MSRA: variants seen among roughly 807,000 people sequenced by gnomAD.
The protein encoded by MSRA is mitochondrial peptide methionine sulfoxide reductase.
In MSRA, 54 loss-of-function variants were observed where a neutral mutation model predicts 31.3. The ratio of observed to expected loss-of-function variants is 1.73; its 90% CI spans 1.39 to 2.17. The LOEUF is 2.17. Ranked by LOEUF, MSRA falls within the 30% of genes most tolerant of loss-of-function variation. The probability of loss-of-function intolerance (pLI) is 0.00; values close to 1 mark genes in which losing one functional copy is unlikely to be tolerated. For missense variants in MSRA, 507 were observed against 300.9 expected (o/e 1.69, Z -5.07); for synonymous variants, 169 against 116.5 (o/e 1.45, Z -2.90).
intron 1 of MSRA, among the ~76,000 whole-genome samples, chr8:10,198,845 C>G (rs1433190601): frequency 6.6e-6 from 1 of 152,116 alleles, no homozygotes; most frequent in East Asian, 1.9e-4. Context: ...CCCAGGTTGG[C>G]TTTTGGCATT....
intron 1 of MSRA, among the ~76,000 whole-genome samples, chr8:10,071,721 T>C (rs996391774): frequency 3.3e-5 from 5 of 152,212 alleles, no homozygotes; most frequent in Non-Finnish European, 7.3e-5. Context: ...TTGAGGTTCA[T>C]TTGTGTCAAA....
chr8:10,184,390 C>G (rs1806835539), intron 1 of MSRA, among the ~76,000 whole-genome samples: 1 of 151,854 alleles, frequency 6.6e-6, no homozygotes, highest in Non-Finnish European at 1.5e-5. Flanking sequence ...GAATCAGTTT[C>G]CTGCCTGGGA....
In MSRA at chr8:10,297,450, C is replaced by T. The variant is rs554757115; in HGVS notation, c.332-4084C>T. On this transcript the variant is annotated intron_variant, in intron 3 of 5. Coordinates refer to ENST00000317173, the MANE Select transcript of MSRA (RefSeq NM_012331.5). ...ATGTGCGCGATGTTATGTGAAGACA[C>T]GGCTTGAAGTATTTTTAAGATCTGG... Among the ~76,000 whole-genome samples, 26 of 152,312 alleles carry T rather than the reference C, an allele frequency of 1.7e-4. No individual in the cohort carries two copies. The South Asian group carries it at 2.7e-3, about 16-fold the overall frequency.
chr8:10,091,409 T>C (rs1563424342), intron 1 of MSRA, among the ~76,000 whole-genome samples: 2 of 152,214 alleles, frequency 1.3e-5, no homozygotes, highest in Admixed American at 6.5e-5. Flanking sequence ...CAGAATCTTA[T>C]TTTTAAAGGC....
At chr8:10,278,988 A>G (rs1337247510) in intron 3 of MSRA, among the ~76,000 whole-genome samples, 3 of 152,124 alleles carry the variant, frequency 2.0e-5, no homozygotes, top group Admixed American at 6.5e-5. Flanking sequence ...TTTGCCTTAC[A>G]GTAGAATTGA....
intron 1 of MSRA, among the ~76,000 whole-genome samples, chr8:10,101,241 C>G (rs974488151): frequency 2.6e-5 from 4 of 152,078 alleles, no homozygotes; most frequent in Non-Finnish European, 4.4e-5. Context: ...ATTTCCCTCA[C>G]ACGATTTTGG....
intron 2 of MSRA, among the ~76,000 whole-genome samples, chr8:10,219,086 G>T (rs1341758605): frequency 6.6e-6 from 1 of 152,184 alleles, no homozygotes; most frequent in South Asian, 2.1e-4. Context: ...GGGCCTGAGG[G>T]TTGGAGGAGG....
At chr8:10,303,179 C>A (rs570587839) in intron 4 of MSRA, among the ~76,000 whole-genome samples, 1 of 152,192 alleles carries the variant, frequency 6.6e-6, no homozygotes, top group Non-Finnish European at 1.5e-5. Context: ...GGTGACAGGT[C>A]GGGTCTGTGT....
At chr8:10,301,443 G>T in intron 3 of MSRA, 91 bp from the exon 4 acceptor site, 3 of 941,846 alleles carry the variant, frequency 3.2e-6, no homozygotes, top group Non-Finnish European at 5.1e-6. Flanking sequence ...TAGAGTTTCA[G>T]CTTTTGTCTG....
intron 2 of MSRA, among the ~76,000 whole-genome samples, chr8:10,244,095 C>T (rs1797480113): frequency 6.6e-6 from 1 of 152,108 alleles, no homozygotes; most frequent in Non-Finnish European, 1.5e-5. Context: ...TCTGGTAAAT[C>T]GAGTGAGTGT....
At chr8:10,117,315 T>C (rs1369730629) in intron 1 of MSRA, among the ~76,000 whole-genome samples, 2 of 152,040 alleles carry the variant, frequency 1.3e-5, no homozygotes, top group Non-Finnish European at 2.9e-5. Context: ...AAAAGAATCG[T>C]GAAGGGAAAA....
chr8:10,152,200 C>G (rs900483463), intron 1 of MSRA, among the ~76,000 whole-genome samples: 1 of 152,096 alleles, frequency 6.6e-6, no homozygotes, highest in Admixed American at 6.5e-5. Flanking sequence ...AGACAGAGAA[C>G]AAAACTGTCT....
intron 1 of MSRA, among the ~76,000 whole-genome samples, chr8:10,147,752 G>C (rs148958167): frequency 3.2e-4 from 48 of 152,276 alleles, no homozygotes; most frequent in African/African-American, 9.4e-4. Context: ...CTGCCTGGAG[G>C]ATTCCTGCAT....
chr8:10,150,107 G>C (rs1459163977), intron 1 of MSRA, among the ~76,000 whole-genome samples: 1 of 151,872 alleles, frequency 6.6e-6, no homozygotes, highest in Non-Finnish European at 1.5e-5. Flanking sequence ...CTACAGGAAT[G>C]CCGAGAGCTG....
intron 4 of MSRA, among the ~76,000 whole-genome samples, chr8:10,308,017 A>G (rs1292863363): frequency 2.0e-5 from 3 of 152,096 alleles, no homozygotes; most frequent in Non-Finnish European, 4.4e-5. Context: ...CTCCCTTCCC[A>G]CAAGTTAGTG....
At chr8:10,090,571 A>C (rs1028086919) in intron 1 of MSRA, among the ~76,000 whole-genome samples, 2 of 152,230 alleles carry the variant, frequency 1.3e-5, no homozygotes, top group African/African-American at 4.8e-5. Context: ...TCATTTTATT[A>C]TGTACAATCC....
At chr8:10,199,469 G>A (rs897674524) in intron 1 of MSRA, among the ~76,000 whole-genome samples, 4 of 152,048 alleles carry the variant, frequency 2.6e-5, no homozygotes, top group Non-Finnish European at 5.9e-5. Context: ...ACAAATGCGC[G>A]CCACCGTGCC....
intron 1 of MSRA, among the ~76,000 whole-genome samples, chr8:10,195,689 A>C (rs1191727562): frequency 6.6e-6 from 1 of 152,210 alleles, no homozygotes; most frequent in Non-Finnish European, 1.5e-5. Flanking sequence ...ATCTATGTTT[A>C]TATCTACAAT....
intron 1 of MSRA, among the ~76,000 whole-genome samples, chr8:10,206,498 C>G (rs1808989562): frequency 6.6e-6 from 1 of 152,190 alleles, no homozygotes; most frequent in African/African-American, 2.4e-5. Context: ...CAGGCAGCTT[C>G]CCATGGGTTT....
Sources: gnomAD v4.1 joint callset for allele counts (sites outside exome capture counted in the v4.1 genomes callset) on GRCh38, gnomAD v4.1.1 for gene constraint, MANE v1.5 for transcripts, NCBI Gene and HGNC (gene_info 2026-07-23, HGNC 2026-07-21) for gene names.